The following CRADD variants were observed in gnomAD, a reference collection of about 807,000 sequenced individuals.
CRADD encodes death domain-containing protein CRADD.
In CRADD, 9 loss-of-function variants were observed where a neutral mutation model predicts 15.5. That is an observed-to-expected ratio of 0.58 (90% CI 0.35 to 1.01). CRADD has a LOEUF of 1.01. Ranked by LOEUF, CRADD falls within the 50% of genes least tolerant of loss-of-function variation. CRADD has a pLI of 0.02. For synonymous variants in CRADD, 118 were observed against 107.6 expected (o/e 1.10, Z -0.60); for missense variants, 227 against 250.3 (o/e 0.91, Z 0.63).
At chr12:93,701,332 A>ACACACACACACACAC (rs1555215845) in intron 2 of CRADD, among the ~76,000 whole-genome samples, 2 of 147,364 alleles carry the variant, frequency 1.4e-5, no homozygotes, top group African/African-American at 5.1e-5. Flanking sequence ...ACACACACAC[A>ACACACACACACACAC]ATCTGTAAGT....
At chr12:93,776,304 A>G (rs990963363) in intron 2 of CRADD, among the ~76,000 whole-genome samples, 1 of 152,228 alleles carries the variant, frequency 6.6e-6, no homozygotes, top group Admixed American at 6.5e-5. Flanking sequence ...ACATCCTTAT[A>G]GCGATCTGCA....
At chr12:93,677,946 C>A (rs1213027727) in intron 1 of CRADD, 2 of 152,622 alleles carry the variant, frequency 1.3e-5, no homozygotes, top group Non-Finnish European at 2.9e-5. Flanking sequence ...CACTGCCTTA[C>A]ACACAACCAA....
chr12:93,779,648 GGT>G, intron 2 of CRADD, among the ~76,000 whole-genome samples: 1 of 149,046 alleles, frequency 6.7e-6, no homozygotes, highest in South Asian at 2.1e-4. Flanking sequence ...GGAGTGCAGT[GGT>G]GCAATCTCGG....
chr12:93,800,050 T>C (rs1414614522), intron 2 of CRADD, among the ~76,000 whole-genome samples: 1 of 152,146 alleles, frequency 6.6e-6, no homozygotes, highest in African/African-American at 2.4e-5. Flanking sequence ...TATTAATAGA[T>C]AGATTGACAC....
intron 2 of CRADD, among the ~76,000 whole-genome samples, chr12:93,800,107 G>C (rs1957460769): frequency 6.6e-6 from 1 of 152,180 alleles, no homozygotes; most frequent in Non-Finnish European, 1.5e-5. Flanking sequence ...GAAATTTATT[G>C]TAGGTATTGG....
intron 2 of CRADD, among the ~76,000 whole-genome samples, chr12:93,736,521 C>T (rs1429423777): frequency 6.6e-6 from 1 of 152,216 alleles, no homozygotes; most frequent in Non-Finnish European, 1.5e-5. Flanking sequence ...AATCTATCTT[C>T]TGTTCCCATC....
chr12:93,781,212 A>G (rs61217588), intron 2 of CRADD, among the ~76,000 whole-genome samples: 6,892 of 152,198 alleles, frequency 0.045, 402 homozygotes, highest in Admixed American at 0.13. Flanking sequence ...GGATTGAAAT[A>G]TATAAAAATA....
At position 93,687,989 on chromosome 12, in the gene CRADD, A is replaced by G. The variant is rs150574198; in HGVS notation, c.298+8917A>G. Among the ~76,000 whole-genome samples, 433 of 152,340 alleles carry G rather than the reference A, an allele frequency of 2.8e-3. 3 individuals carry two copies. Among genetic ancestry groups the G allele is most frequent in the African/African-American group, 9.8e-3 (409 of 41,570 alleles). On this transcript the variant is annotated intron_variant, in intron 2 of 2. Coordinates refer to ENST00000332896, the MANE Select transcript of CRADD (RefSeq NM_003805.5). ...GTTTGGTACAGTCATTACAAACTAC[A>G]TGCAGTACCTTGTGCTCTGTAGATC... is the stretch of plus-strand genomic sequence containing the variant.
intron 2 of CRADD, among the ~76,000 whole-genome samples, chr12:93,710,197 T>G (rs923010625): frequency 6.6e-6 from 1 of 152,174 alleles, no homozygotes; most frequent in African/African-American, 2.4e-5. Flanking sequence ...AGCTTTACTC[T>G]CATGTTTCCT....
At chr12:93,709,516 G>A (rs1956022802) in intron 2 of CRADD, among the ~76,000 whole-genome samples, 1 of 152,106 alleles carries the variant, frequency 6.6e-6, no homozygotes, top group African/African-American at 2.4e-5. Flanking sequence ...TGCAGTATTT[G>A]GTTTTCTGTT....
At chr12:93,827,350 G>A (rs749711301) in intron 2 of CRADD, among the ~76,000 whole-genome samples, 2 of 152,112 alleles carry the variant, frequency 1.3e-5, no homozygotes, top group African/African-American at 2.4e-5. Context: ...CTTGCACTCC[G>A]CATAATTATT....
chr12:93,829,943 C>T (rs760744382), intron 2 of CRADD, among the ~76,000 whole-genome samples: 12 of 152,090 alleles, frequency 7.9e-5, no homozygotes, highest in Non-Finnish European at 1.3e-4. Context: ...CCGCCCACCT[C>T]GGCCTCCCAA....
At chr12:93,677,671 G>C (rs937135973) in intron 1 of CRADD, 199 bp downstream of exon 1, 1 of 152,268 alleles carries the variant, frequency 6.6e-6, no homozygotes, top group Non-Finnish European at 1.5e-5. Context: ...CCTCTTTAGC[G>C]GGTCAAGTTG....
intron 2 of CRADD, among the ~76,000 whole-genome samples, chr12:93,739,448 A>C (rs1459452953): frequency 6.6e-6 from 1 of 151,548 alleles, no homozygotes. Flanking sequence ...ATTTGCCTAA[A>C]CTCCTGAGAT....
chr12:93,746,800 A>ATTTT (rs1259735991), intron 2 of CRADD, among the ~76,000 whole-genome samples: 21 of 150,574 alleles, frequency 1.4e-4, no homozygotes, highest in African/African-American at 5.1e-4. Context: ...TTTTTTTTGA[A>ATTTT]GAAGGAAAGA....
intron 2 of CRADD, among the ~76,000 whole-genome samples, chr12:93,724,841 C>CA (rs1956325255): frequency 6.6e-6 from 1 of 151,164 alleles, no homozygotes; most frequent in African/African-American, 2.4e-5. Context: ...AAAGAACAGA[C>CA]TTATTATTAT....
chr12:93,879,810 A>C (rs751763008), intron 2 of CRADD, among the ~76,000 whole-genome samples: 4 of 152,216 alleles, frequency 2.6e-5, no homozygotes, highest in Non-Finnish European at 4.4e-5. Flanking sequence ...TAGCTGCTCT[A>C]TGTGCCACTG....
At chr12:93,844,504 G>A (rs959055577) in intron 2 of CRADD, among the ~76,000 whole-genome samples, 3 of 152,076 alleles carry the variant, frequency 2.0e-5, no homozygotes, top group African/African-American at 7.3e-5. Flanking sequence ...TCCGGCCTGT[G>A]TCCACAGACT....
chr12:93,867,465 G>A (rs1958380765), intron 2 of CRADD, among the ~76,000 whole-genome samples: 1 of 142,236 alleles, frequency 7.0e-6, no homozygotes. Context: ...GTTCCAATAT[G>A]TAATTTGCTC....
Sources: gnomAD v4.1 joint callset for allele counts (sites outside exome capture counted in the v4.1 genomes callset) on GRCh38, gnomAD v4.1.1 for gene constraint, MANE v1.5 for transcripts, NCBI Gene and HGNC (gene_info 2026-07-23, HGNC 2026-07-21) for gene names.